GRB10: variants seen among roughly 807,000 people sequenced by gnomAD.
GRB10 encodes the protein growth factor receptor bound protein 10.
GRB10 carries 20 observed loss-of-function variants against 80.9 expected under a neutral mutation model. That is an observed-to-expected ratio of 0.25 (90% CI 0.17 to 0.36). The LOEUF (loss-of-function observed/expected upper bound fraction) is 0.36. Ranked by LOEUF, GRB10 falls within the 10% of genes least tolerant of loss-of-function variation. The pLI is 1.00. For missense variants in GRB10, 548 were observed against 747.7 expected, an observed-to-expected ratio of 0.73 and a Z score of 3.12; for synonymous variants, 291 against 291.5, an observed-to-expected ratio of 1.00 and a Z score of 0.02.
In GRB10 at chr7:50,698,456, GTTCT is replaced by G. The variant is rs563599881; in HGVS notation, c.139+5361_139+5364del. Reference sequence around the variant, plus strand: ...CATTCAAACAAATAAAAGGCATTTTGTTCTTTCACTTTTAATTATTTAATTGGCC... The same window carrying G: ...CATTCAAACAAATAAAAGGCATTTTGTTCACTTTTAATTATTTAATTGGCC... On this transcript the variant is annotated intron_variant, in intron 5 of 18. Coordinates refer to ENST00000401949, the MANE Select transcript of GRB10 (RefSeq NM_001350814.2). Among the ~76,000 whole-genome samples the G allele has an allele frequency of 1.1e-3, 165 of 152,266 alleles. 1 individual carries two copies. Among genetic ancestry groups the G allele is most frequent in the African/African-American group, 3.8e-3 (157 of 41,544 alleles).
At chr7:50,679,696 G>A (rs1192110058) in intron 5 of GRB10, among the ~76,000 whole-genome samples, 1 of 152,088 alleles carries the variant, frequency 6.6e-6, no homozygotes, top group Non-Finnish European at 1.5e-5. Context: ...GCTGGGGTGG[G>A]GGTATATCAT....
At chr7:50,780,938 C>T (rs1330326189) in intron 1 of GRB10, 1 of 152,088 alleles carries the variant, frequency 6.6e-6, no homozygotes, top group Admixed American at 6.6e-5. Flanking sequence ...AGTTTGGAAG[C>T]CTAGTTCTGG....
At chr7:50,621,018 T>C (rs2051617117) in intron 8 of GRB10, among the ~76,000 whole-genome samples, 2 of 152,210 alleles carry the variant, frequency 1.3e-5, no homozygotes, top group African/African-American at 2.4e-5. Flanking sequence ...TGGGAGGTGA[T>C]AGCTACCTAA....
At position 50,606,326 on chromosome 7, in the gene GRB10, G is replaced by A. The variant is rs373904659; in HGVS notation, c.1272+11C>T. ...AGGCACTAGACTTCTGAAGCTCCTG[G>A]CTTTACTTACCACTGGCGTCGAGAA... On this transcript the variant is annotated intron_variant, in intron 14 of 18. Transcript: ENST00000401949. 1.8e-5 allele frequency: 29 copies of A among 1,608,982 alleles called. No individual in the cohort carries two copies. The highest frequency in any genetic ancestry group is 2.5e-5 in the Non-Finnish European group (29 of 1,175,448).
chr7:50,615,552 G>T (rs2153580027), intron 11 of GRB10, among the ~76,000 whole-genome samples: 1 of 152,324 alleles, frequency 6.6e-6, no homozygotes, highest in African/African-American at 2.4e-5. Flanking sequence ...CAACACCTGT[G>T]CTGGGGTCCC....
chr7:50,650,287 A>T (rs1279192165), intron 7 of GRB10, among the ~76,000 whole-genome samples: 9 of 152,238 alleles, frequency 5.9e-5, no homozygotes, highest in Non-Finnish European at 1.2e-4. Flanking sequence ...GATGAGACCC[A>T]TTTCAGGCAC....
At chr7:50,697,604 A>G (rs2063598749) in intron 5 of GRB10, among the ~76,000 whole-genome samples, 1 of 152,264 alleles carries the variant, frequency 6.6e-6, no homozygotes, top group South Asian at 2.1e-4. Context: ...TCTGGATCAA[A>G]CATACCATGT....
intron 4 of GRB10, among the ~76,000 whole-genome samples, chr7:50,711,550 G>A (rs17133984): frequency 0.074 from 11,187 of 152,196 alleles, 1,408 homozygotes; most frequent in African/African-American, 0.26. Flanking sequence ...GTTTCAAACC[G>A]CAAGTCTATT....
chr7:50,721,677 T>A (rs2067774423), intron 4 of GRB10, among the ~76,000 whole-genome samples: 1 of 152,058 alleles, frequency 6.6e-6, no homozygotes, highest in Admixed American at 6.6e-5. Context: ...GGGTCTCACC[T>A]CACCATGTCA....
At chr7:50,759,717 C>T (rs1227579767) in intron 2 of GRB10, among the ~76,000 whole-genome samples, 1 of 152,100 alleles carries the variant, frequency 6.6e-6, no homozygotes, top group Non-Finnish European at 1.5e-5. Context: ...AATAGCAGAG[C>T]GGCTGTACTT....
At chr7:50,700,342 C>T (rs1002438861) in intron 5 of GRB10, among the ~76,000 whole-genome samples, 2 of 151,816 alleles carry the variant, frequency 1.3e-5, no homozygotes, top group African/African-American at 2.4e-5. Context: ...TCCATTTTTT[C>T]GTTCACAGTT....
chr7:50,619,606 C>T (rs2051291635), intron 8 of GRB10, among the ~76,000 whole-genome samples: 2 of 152,128 alleles, frequency 1.3e-5, no homozygotes, highest in Admixed American at 1.3e-4. Context: ...AATTTCAACT[C>T]TTGTAAAGAC....
At chr7:50,603,940 A>T in intron 17 of GRB10, 58 bp downstream of exon 17, 2 of 1,302,812 alleles carry the variant, frequency 1.5e-6, no homozygotes, top group Non-Finnish European at 2.2e-6. Context: ...AACAGAACAG[A>T]TCCCCAGCAC....
At chr7:50,629,433 G>A (rs1478538741) in intron 7 of GRB10, among the ~76,000 whole-genome samples, 1 of 152,138 alleles carries the variant, frequency 6.6e-6, no homozygotes, top group Non-Finnish European at 1.5e-5. Context: ...GGGCTGGCGA[G>A]ACCCTGAGGG....
chr7:50,612,908 G>A (rs1174928411), intron 12 of GRB10, 69 bp from the exon 13 acceptor site: 2 of 1,023,930 alleles, frequency 2.0e-6, no homozygotes. Flanking sequence ...GTCAAGGCAG[G>A]GCTGCATCTG....
chr7:50,679,274 C>G (rs370457597), intron 5 of GRB10, among the ~76,000 whole-genome samples: 1 of 152,146 alleles, frequency 6.6e-6, no homozygotes, highest in Admixed American at 6.5e-5. Context: ...ATAAACTCAG[C>G]GAAACACATT....
intron 10 of GRB10, among the ~76,000 whole-genome samples, chr7:50,617,541 A>T (rs2050876643): frequency 6.6e-6 from 1 of 152,148 alleles, no homozygotes; most frequent in Non-Finnish European, 1.5e-5. Flanking sequence ...AGGTGGGGAG[A>T]GACCAGGTTT....
At chr7:50,727,679 G>A (rs150043878) in intron 4 of GRB10, 12 of 151,880 alleles carry the variant, frequency 7.9e-5, no homozygotes, top group Non-Finnish European at 1.6e-4. Context: ...TGATTTTAAA[G>A]ACTTAAAAAG....
At chr7:50,722,060 G>A (rs1290136764) in intron 4 of GRB10, among the ~76,000 whole-genome samples, 1 of 152,270 alleles carries the variant, frequency 6.6e-6, no homozygotes, top group African/African-American at 2.4e-5. Context: ...AGGCTGGCCC[G>A]GTCACTATGC....
Sources: allele counts gnomAD v4.1 joint callset (sites outside exome capture counted in the v4.1 genomes callset), GRCh38; gene constraint gnomAD v4.1.1; transcripts MANE v1.5; gene names NCBI Gene and HGNC (gene_info 2026-07-23, HGNC 2026-07-21).